The following ALKAL1 variants were observed in gnomAD, a reference collection of about 807,000 sequenced individuals.
ALKAL1 encodes ALK and LTK ligand 1.
Under a neutral mutation model 13.5 loss-of-function variants are expected in ALKAL1, and 23 were observed. The ratio of observed to expected loss-of-function variants is 1.70; its 90% CI spans 1.23 to 2.41. The LOEUF is 2.41. ALKAL1 is among the 30% of genes most tolerant of loss of function. The probability of loss-of-function intolerance (pLI) is 0.00; values close to 1 mark genes in which losing one functional copy is unlikely to be tolerated. For synonymous variants in ALKAL1, 85 were observed against 77.7 expected (o/e 1.09, Z -0.49); for missense variants, 181 against 178.4 (o/e 1.01, Z -0.08).
rs373864879 is a variant in ALKAL1, at chr8:52,539,292, G to A, written c.325+539C>T. Among the ~76,000 whole-genome samples, 12 of 152,044 alleles carry A rather than the reference G, an allele frequency of 7.9e-5. No homozygotes were observed. In the East Asian group the frequency reaches 1.5e-3, roughly 20 times the overall value. ...AGTTACCACACATAGTCATAATTTC[G>A]GCACTTCAAATGAGAGCACTTAAAT... On this transcript the variant is annotated intron_variant, in intron 3 of 4. Transcript: ENST00000358543.
In ALKAL1 at chr8:52,557,240, G is replaced by A. The variant is rs112649123; in HGVS notation, c.190+7827C>T. Among the ~76,000 whole-genome samples, 206 of 152,282 alleles carry A rather than the reference G, an allele frequency of 1.4e-3. 3 individuals are homozygous for A. The South Asian group carries it at 0.019, about 14-fold the overall frequency. On this transcript the variant is annotated intron_variant, in intron 1 of 4. Coordinates refer to ENST00000358543, the MANE Select transcript of ALKAL1 (RefSeq NM_207413.4). ...TGGTGCTTGGAGAGAGTAAGAAGCC[G>A]CCTGCCTGCAGCTCCTAGGCCAGGA...
In ALKAL1 at chr8:52,565,063, G is replaced by C. The variant is rs769887454; in HGVS notation, c.190+4C>G. 1 of 1,389,954 alleles carries C rather than the reference G, an allele frequency of 7.2e-7. No individual in the cohort carries two copies. Among genetic ancestry groups the C allele is most frequent in the Non-Finnish European group, 9.3e-7 (1 of 1,069,838 alleles). 86.1% of individuals were successfully genotyped at this position (1,389,954 alleles called of 1,614,324 possible). A position where few individuals can be genotyped will look rare whatever the true frequency, so the allele number is the denominator to read the frequency against. On this transcript the variant is annotated splice_donor_region_variant and intron_variant, in intron 1 of 4. Transcript: ENST00000358543. The stretch of plus-strand genomic sequence containing the variant: ...AAGGATGGGGCGGGATGGGGACATC[G>C]TACCTGCGCTCCGGGAGCCGCTGGG...
At chr8:52,552,934 C>T (rs926467581) in intron 1 of ALKAL1, among the ~76,000 whole-genome samples, 13 of 152,274 alleles carry the variant, frequency 8.5e-5, no homozygotes, top group East Asian at 3.9e-4. Context: ...CTGGTGACTA[C>T]GGTGTGGCTG....
intron 1 of ALKAL1, among the ~76,000 whole-genome samples, chr8:52,551,027 T>C (rs1847422949): frequency 6.6e-6 from 1 of 152,194 alleles, no homozygotes; most frequent in African/African-American, 2.4e-5. Flanking sequence ...GAATTAGCTA[T>C]CTGCATTATA....
chr8:52,542,244 A>T, intron 2 of ALKAL1, 148 bp downstream of exon 2: 1 of 566,986 alleles, frequency 1.8e-6, no homozygotes, highest in Non-Finnish European at 3.1e-6. Flanking sequence ...ATTACAGTTA[A>T]CACAAGTTAG....
intron 1 of ALKAL1, among the ~76,000 whole-genome samples, chr8:52,552,290 C>A (rs1269494253): frequency 6.6e-6 from 1 of 152,180 alleles, no homozygotes; most frequent in African/African-American, 2.4e-5. Flanking sequence ...ATTTTCATCA[C>A]ATCCTGTGAA....
At chr8:52,550,726 C>T (rs527574980) in intron 1 of ALKAL1, among the ~76,000 whole-genome samples, 140 of 152,256 alleles carry the variant, frequency 9.2e-4, no homozygotes, top group Non-Finnish European at 1.8e-3. Context: ...CCTTGGCATT[C>T]TTTGGCTTGT....
At chr8:52,560,817 C>T (rs955138016) in intron 1 of ALKAL1, among the ~76,000 whole-genome samples, 4 of 152,142 alleles carry the variant, frequency 2.6e-5, no homozygotes, top group East Asian at 3.9e-4. Context: ...GCCCAACAGA[C>T]GTCTGGTCAT....
At chr8:52,559,464 A>G (rs986761024) in intron 1 of ALKAL1, among the ~76,000 whole-genome samples, 4 of 152,190 alleles carry the variant, frequency 2.6e-5, no homozygotes, top group Non-Finnish European at 5.9e-5. Context: ...AAGAGATTCC[A>G]ATATGCCACC....
At chr8:52,557,386 T>C (rs1361092182) in intron 1 of ALKAL1, among the ~76,000 whole-genome samples, 16 of 152,168 alleles carry the variant, frequency 1.1e-4, no homozygotes, top group Non-Finnish European at 2.4e-4. Flanking sequence ...CCCTTCCCAA[T>C]TCCACAGCAA....
rs1302890129 is a variant in ALKAL1 at position 52,534,159 on chromosome 8, T to C, written c.*454A>G. ...CAAGTTCTAAATAAATGTATTTAAA[T>C]ATTAAATAAGAATTATAAAATTTAA... is the stretch of plus-strand genomic sequence containing the variant. On this transcript the variant is annotated 3_prime_UTR_variant, in exon 5 of 5. Coordinates refer to ENST00000358543, the MANE Select transcript of ALKAL1 (RefSeq NM_207413.4). 6.6e-6 allele frequency: 1 copy of C among 152,238 alleles called. No homozygotes were observed. Among genetic ancestry groups the C allele is most frequent in the East Asian group, 1.9e-4 (1 of 5,208 alleles). The allele number at this position is 152,238 out of a possible 1,614,324, so 9.4% of individuals were successfully genotyped here.
intron 1 of ALKAL1, among the ~76,000 whole-genome samples, chr8:52,555,215 A>C (rs533693837): frequency 2.0e-5 from 3 of 150,744 alleles, no homozygotes; most frequent in East Asian, 3.9e-4. Context: ...TGCCCACTGG[A>C]GTCAACTGGA....
At position 52,565,425 on chromosome 8, in the gene ALKAL1, T is replaced by A; in HGVS notation, c.-169A>T. The A allele has an allele frequency of 2.2e-6, 1 of 446,742 alleles. No individual in the cohort carries two copies. The allele number at this position is 446,742 out of a possible 1,614,324, so 27.7% of individuals were successfully genotyped here. On this transcript the variant is annotated 5_prime_UTR_variant, in exon 1 of 5. Transcript: ENST00000358543. Reference sequence around the variant, plus strand: ...CTACGTCCCGGGGGTCGGCTGGAGCTGCACTGGGACTCGGTCCTCAGTGTG... The same window carrying A: ...CTACGTCCCGGGGGTCGGCTGGAGCAGCACTGGGACTCGGTCCTCAGTGTG...
chr8:52,562,402 A>AACTGTGTGTTAAATT (rs1238566860), intron 1 of ALKAL1, among the ~76,000 whole-genome samples: 59 of 152,162 alleles, frequency 3.9e-4, no homozygotes, highest in Non-Finnish European at 8.1e-4. Context: ...CAACGACCTC[A>AACTGTGTGTTAAATT]GCTGTGTGTT....
chr8:52,565,214 G>A lies in ALKAL1; in HGVS notation c.43C>T (p.Leu15=). ...KPGAPLPALF[L]LALALSPHGA... is the part of the protein sequence containing the mutation. ...TGCGGGGACAAAGCCAGCGCCAGCA[G>A]GAAGAGTGCGGGCAAAGGGGCGCCG... The change falls in exon 1 of 5, where the codon CTG becomes TTG. Residue 15 remains leucine (L), a synonymous_variant. Transcript: ENST00000358543. 3 of 1,336,178 alleles carry A rather than the reference G, an allele frequency of 2.2e-6. No individual in the cohort carries two copies. The highest frequency in any genetic ancestry group is 2.9e-6 in the Non-Finnish European group (3 of 1,036,346). 82.8% of individuals were successfully genotyped at this position (1,336,178 alleles called of 1,614,324 possible). A position where few individuals can be genotyped will look rare whatever the true frequency, so the allele number is the denominator to read the frequency against.
intron 1 of ALKAL1, among the ~76,000 whole-genome samples, chr8:52,560,456 A>C (rs1232516330): frequency 6.6e-6 from 1 of 152,228 alleles, no homozygotes; most frequent in Non-Finnish European, 1.5e-5. Flanking sequence ...ACACAGCAAC[A>C]AAGATCTTAG....
chr8:52,545,426 G>A (rs2150344929), intron 1 of ALKAL1, among the ~76,000 whole-genome samples: 1 of 152,158 alleles, frequency 6.6e-6, no homozygotes. Context: ...GTACTCAGTG[G>A]AAGGCTGATC....
chr8:52,555,969 T>G (rs1847477934), intron 1 of ALKAL1, among the ~76,000 whole-genome samples: 1 of 152,206 alleles, frequency 6.6e-6, no homozygotes, highest in Non-Finnish European at 1.5e-5. Context: ...AGGTACATTT[T>G]AAAACACGGA....
intron 1 of ALKAL1, among the ~76,000 whole-genome samples, chr8:52,564,733 G>A (rs1847583054): frequency 6.6e-6 from 1 of 152,084 alleles, no homozygotes; most frequent in Non-Finnish European, 1.5e-5. Flanking sequence ...GTGCTGACAG[G>A]GACCTAACCT....
Sources: allele counts gnomAD v4.1 joint callset (sites outside exome capture counted in the v4.1 genomes callset), GRCh38; gene constraint gnomAD v4.1.1; transcripts MANE v1.5; gene names NCBI Gene and HGNC (gene_info 2026-07-23, HGNC 2026-07-21).